FAM117A: variants seen among roughly 807,000 people sequenced by gnomAD.
FAM117A encodes the protein protein FAM117A.
A neutral mutation model predicts 44.1 loss-of-function variants in FAM117A; 21 were observed. That is an observed-to-expected ratio of 0.48 (90% confidence interval 0.34 to 0.69). The LOEUF (loss-of-function observed/expected upper bound fraction) is 0.69, where lower values mean the gene tolerates loss of function less well. Among genes scored for constraint, FAM117A ranks in the 30% least tolerant of loss-of-function variants. The pLI is 0.01. For synonymous variants in FAM117A, 220 were observed against 238.3 expected (o/e 0.92, Z 0.71); for missense variants, 498 against 589.9 (o/e 0.84, Z 1.61).
chr17:49,740,105 A>T (rs1385846903), intron 1 of FAM117A, among the ~76,000 whole-genome samples: 1 of 152,212 alleles, frequency 6.6e-6, no homozygotes, highest in East Asian at 1.9e-4. Context: ...GGGAGCTATG[A>T]GTGGAGAGGG....
At chr17:49,740,184 A>C (rs2073627294) in intron 1 of FAM117A, among the ~76,000 whole-genome samples, 1 of 152,098 alleles carries the variant, frequency 6.6e-6, no homozygotes, top group Non-Finnish European at 1.5e-5. Context: ...GGCAGATAAG[A>C]CAATGAACCA....
chr17:49,764,021 C>T lies in FAM117A; in HGVS notation c.67G>A (p.Gly23Arg). The change falls in exon 1 of 8, where the codon GGG becomes AGG. Residue 23 changes from glycine (G) to arginine (R), a missense_variant. Gly to Arg is a moderately radical substitution (Grantham distance 125). Transcript: ENST00000240364. ...GGGGGAGAGCAGCCCCGCCGGAGCC[C>T]CCCGGCCCCTCCGCGCCCCGGCCCC... ...AWGPGRGGAG[G>R]LRRGCSPPAP... 8.3e-7 allele frequency: 1 copy of T among 1,203,514 alleles called. No individual in the cohort carries two copies. The highest frequency in any genetic ancestry group is 4.2e-5 in the South Asian group (1 of 23,852). 74.6% of individuals were successfully genotyped at this position (1,203,514 alleles called of 1,614,324 possible).
At chr17:49,773,871 A>G (rs1424940825) in intron 1 of FAM117A, among the ~76,000 whole-genome samples, 1 of 151,818 alleles carries the variant, frequency 6.6e-6, no homozygotes, top group East Asian at 1.9e-4. Context: ...CTCCTGCCTC[A>G]GCCTCCCGAA....
chr17:49,711,589 C>G lies in FAM117A; in HGVS notation c.1062-34G>C, dbSNP rs73335250. The G allele has an allele frequency of 9.4e-6, 15 of 1,596,496 alleles. No individual in the cohort carries two copies. In the African/African-American group the frequency reaches 1.5e-4, roughly 16 times the overall value. On this transcript the variant is annotated intron_variant, in intron 7 of 7. Transcript: ENST00000240364. ...TGAAGAGAGACACACAAGACACATACGTACACACAGAGAGAAACAGACAGC... is the reference window on the plus strand; with the variant it reads ...TGAAGAGAGACACACAAGACACATAGGTACACACAGAGAGAAACAGACAGC...
intron 7 of FAM117A, among the ~76,000 whole-genome samples, chr17:49,712,201 A>G (rs911039185): frequency 6.6e-6 from 1 of 152,214 alleles, no homozygotes; most frequent in Non-Finnish European, 1.5e-5. Flanking sequence ...GGGACAGACC[A>G]CATGCCTGAA....
At position 49,711,201 on chromosome 17, in the gene FAM117A, G is replaced by A; in HGVS notation, c.*54C>T. ...CCCCATCTCAGGGGACCTGGGGAGG[G>A]ACCTGCCACCAAGGCACTGGTCTCT... is the stretch of plus-strand genomic sequence containing the variant. On this transcript the variant is annotated 3_prime_UTR_variant, in exon 8 of 8. Coordinates refer to ENST00000240364, the MANE Select transcript of FAM117A (RefSeq NM_030802.4). The A allele has an allele frequency of 2.0e-6, 3 of 1,509,928 alleles. No homozygotes were observed. Among genetic ancestry groups the A allele is most frequent in the Non-Finnish European group, 2.7e-6 (3 of 1,123,252 alleles). The allele number at this position is 1,509,928 out of a possible 1,614,324, so 93.5% of individuals were successfully genotyped here.
intron 1 of FAM117A, among the ~76,000 whole-genome samples, chr17:49,736,440 G>T (rs1246937584): frequency 6.6e-6 from 1 of 151,942 alleles, no homozygotes; most frequent in Non-Finnish European, 1.5e-5. Context: ...TGTATTTTTA[G>T]TAGAGACAGG....
At chr17:49,758,641 ATAAAT>A (rs2073709688) in intron 1 of FAM117A, among the ~76,000 whole-genome samples, 3 of 43,040 alleles carry the variant, frequency 7.0e-5, no homozygotes, top group African/African-American at 2.4e-4. Context: ...AAAAAATAAA[ATAAAT>A]AAATAAATAA....
intron 1 of FAM117A, among the ~76,000 whole-genome samples, chr17:49,785,454 T>G (rs1021775766): frequency 2.6e-5 from 4 of 152,188 alleles, no homozygotes; most frequent in African/African-American, 9.7e-5. Context: ...AAGGTTGCAG[T>G]GAGCTATGAT....
chr17:49,734,275 A>G (rs1000864891), intron 1 of FAM117A, among the ~76,000 whole-genome samples: 2 of 152,104 alleles, frequency 1.3e-5, no homozygotes, highest in African/African-American at 4.8e-5. Flanking sequence ...GTAGGTATAA[A>G]TAAACCTGAA....
At chr17:49,769,421 G>A (rs949767452) in intron 1 of FAM117A, among the ~76,000 whole-genome samples, 1 of 152,094 alleles carries the variant, frequency 6.6e-6, no homozygotes, top group Admixed American at 6.5e-5. Context: ...AGAATAGGCC[G>A]GGCGCGGTGG....
chr17:49,784,699 CTT>C (rs2073800334), intron 1 of FAM117A, among the ~76,000 whole-genome samples: 1 of 152,190 alleles, frequency 6.6e-6, no homozygotes, highest in African/African-American at 2.4e-5. Context: ...CTTTCCTAAA[CTT>C]TCCAGATGAA....
At chr17:49,726,799 G>T (rs1347677059) in intron 2 of FAM117A, among the ~76,000 whole-genome samples, 1 of 151,576 alleles carries the variant, frequency 6.6e-6, no homozygotes, top group Admixed American at 6.6e-5. Flanking sequence ...CAACTAGCGA[G>T]ACCCTATCTC....
chr17:49,713,707 C>T (rs187288566), intron 7 of FAM117A, among the ~76,000 whole-genome samples: 165 of 152,152 alleles, frequency 1.1e-3, no homozygotes, highest in Non-Finnish European at 2.0e-3. Context: ...GGGTGTCTCC[C>T]TATGTTGCCC....
chr17:49,786,547 C>A (rs939608487), intron 1 of FAM117A, among the ~76,000 whole-genome samples: 1 of 152,034 alleles, frequency 6.6e-6, no homozygotes, highest in African/African-American at 2.4e-5. Flanking sequence ...GAGGCTGAGG[C>A]GGGTGGATCA....
upstream of FAM117A, among the ~76,000 whole-genome samples, chr17:49,765,128 A>C (rs2073741467): frequency 6.6e-6 from 1 of 152,258 alleles, no homozygotes; most frequent in Non-Finnish European, 1.5e-5. Context: ...GATTTGGGAA[A>C]GAAAATAACA....
At chr17:49,744,084 C>A (rs2073645089) in intron 1 of FAM117A, among the ~76,000 whole-genome samples, 1 of 152,122 alleles carries the variant, frequency 6.6e-6, no homozygotes, top group Non-Finnish European at 1.5e-5. Context: ...ATTTTTGGCT[C>A]CATTCAGCTT....
intron 1 of FAM117A, among the ~76,000 whole-genome samples, chr17:49,743,750 A>G (rs553294505): frequency 5.3e-5 from 8 of 152,008 alleles, no homozygotes; most frequent in Admixed American, 4.6e-4. Context: ...AAAATAAAAA[A>G]TAAAAACAAA....
intron 6 of FAM117A, 44 bp from the exon 7 acceptor site, chr17:49,716,359 G>T (rs1273293240): frequency 6.8e-7 from 1 of 1,461,760 alleles, no homozygotes; most frequent in South Asian, 1.4e-5. Flanking sequence ...TGAAGGGAAG[G>T]CCTCCACTTT....
Sources: gnomAD v4.1 joint callset for allele counts (sites outside exome capture counted in the v4.1 genomes callset) on GRCh38, gnomAD v4.1.1 for gene constraint, MANE v1.5 for transcripts, NCBI Gene and HGNC (gene_info 2026-07-23, HGNC 2026-07-21) for gene names.